Variants in NRXN2 observed in about 807,000 individuals in gnomAD.
The protein encoded by NRXN2 is neurexin 2, also known as neurexin-2-beta.
In NRXN2, 29 loss-of-function variants were observed where a neutral mutation model predicts 128.8. The observed-to-expected ratio is 0.23, with a 90% CI of 0.17 to 0.31. The LOEUF (loss-of-function observed/expected upper bound fraction) is 0.31. Among genes scored for constraint, NRXN2 ranks in the 10% least tolerant of loss-of-function variants. The pLI is 1.00. For synonymous variants in NRXN2, 1,098 were observed against 1,075.2 expected (o/e 1.02, Z -0.41); for missense variants, 1,881 against 2,452.6 (o/e 0.77, Z 4.92).
intron 17 of NRXN2, among the ~76,000 whole-genome samples, chr11:64,644,640 CA>C (rs71579876): frequency 0.023 from 3,440 of 152,132 alleles, 62 homozygotes; most frequent in Non-Finnish European, 0.035. Context: ...CCTGCTCGGA[CA>C]GGGGAGAGGG....
rs2043907844 is a variant in NRXN2 at position 64,631,532 on chromosome 11, C to G, written c.3586-959G>C. Among the ~76,000 whole-genome samples the G allele has an allele frequency of 6.6e-6, 1 of 152,028 alleles. No homozygotes were observed. Among genetic ancestry groups the G allele is most frequent in the East Asian group, 1.9e-4 (1 of 5,190 alleles). ...TGAGTGGGTACTGTACACGCATGCT[C>G]TCTTCCCTACACCAACCCGCTGAAG... is the stretch of plus-strand genomic sequence containing the variant. On this transcript the variant is annotated intron_variant, in intron 18 of 22. Transcript: ENST00000265459. This position sits in a 1 kb window ranked among gnomAD's most constrained non-coding sequence, Gnocchi z 4.8.
At chr11:64,697,058 G>A (rs1459140141) in intron 3 of NRXN2, among the ~76,000 whole-genome samples, 2 of 152,052 alleles carry the variant, frequency 1.3e-5, no homozygotes, top group Admixed American at 6.6e-5. Context: ...AGGGAGAAGA[G>A]GCCAACAAAA....
chr11:64,616,727 A>G (rs1395291787), intron 22 of NRXN2, among the ~76,000 whole-genome samples: 1 of 152,094 alleles, frequency 6.6e-6, no homozygotes, highest in Non-Finnish European at 1.5e-5. Flanking sequence ...AACATTCAGC[A>G]TGGGTGTCAG....
At chr11:64,643,350 AGCGGCCGGGGGAGGGGGGG>A in intron 17 of NRXN2, 2 of 172,890 alleles carry the variant, frequency 1.2e-5, no homozygotes, top group Non-Finnish European at 1.4e-5. Context: ...GAAAGGAGGG[AGCGGCCGGGGGAGGGGGGG>A]GCGGGAGAAG....
At chr11:64,704,613 CACACACACACAGAGAGAGAGAG>C (rs2055963986) in intron 2 of NRXN2, among the ~76,000 whole-genome samples, 1 of 115,974 alleles carries the variant, frequency 8.6e-6, no homozygotes, top group African/African-American at 3.7e-5. Context: ...CACACACACA[CACACACACACAGAGAGAGAGAG>C]AGAGAGAGAG....
At position 64,696,524 on chromosome 11, in the gene NRXN2, T is replaced by TACACACACAC. The variant is rs1255803604; in HGVS notation, c.748+1250_748+1251insGTGTGTGTGT. ...GCAGACATACATACCCACACATACA[T>TACACACACAC]ACATACACACACACACACACACACA... On this transcript the variant is annotated intron_variant, in intron 3 of 22. Transcript: ENST00000265459. Among the ~76,000 whole-genome samples, 5 of 85,208 alleles carry TACACACACAC rather than the reference T, an allele frequency of 5.9e-5. No individual in the cohort carries two copies. In the East Asian group the frequency reaches 1.4e-3, roughly 24 times the overall value. The allele number at this position is 85,208 out of a possible 152,430, so 55.9% of individuals were successfully genotyped here.
intron 22 of NRXN2, among the ~76,000 whole-genome samples, chr11:64,618,829 T>C (rs1565193165): frequency 2.6e-5 from 4 of 152,140 alleles, no homozygotes; most frequent in African/African-American, 9.7e-5. Flanking sequence ...TGAAGGTCCC[T>C]GGGCCCAGGC....
chr11:64,623,321 G>T lies in NRXN2; in HGVS notation c.3848-243C>A, dbSNP rs944822719. The T allele has an allele frequency of 1.3e-5, 8 of 620,824 alleles. No individual in the cohort carries two copies. Among genetic ancestry groups the T allele is most frequent in the South Asian group, 1.0e-4 (5 of 48,302 alleles). 38.5% of individuals were successfully genotyped at this position (620,824 alleles called of 1,614,324 possible). ...AGGGGAGGGCACCCAGGGTACACAT[G>T]GGCTGGGGAAGGGGAGCCCAGTCCC... On this transcript the variant is annotated intron_variant, in intron 20 of 22. Transcript: ENST00000265459. This position sits in a 1 kb window ranked among gnomAD's most constrained non-coding sequence, Gnocchi z 4.9.
rs1484529720 is a variant in NRXN2 at position 64,713,556 on chromosome 11, C to T, written c.144G>A (p.Ala48=). ...GGCTGAAGCTGAGCTCGCCGCTGCTCGCCGCGCCCGCCCAGCGCGCGTAGC... is the reference window on the plus strand; with the variant it reads ...GGCTGAAGCTGAGCTCGCCGCTGCTTGCCGCGCCCGCCCAGCGCGCGTAGC... ...WARYARWAGA[A]SSGELSFSLR... Residue 48 remains alanine (A), a synonymous_variant, in exon 2 of 23, where the codon GCG becomes GCA. Transcript: ENST00000265459. 50 of 1,427,146 alleles carry T rather than the reference C, an allele frequency of 3.5e-5. No individual in the cohort carries two copies. The highest frequency in any genetic ancestry group is 4.1e-5 in the Non-Finnish European group (45 of 1,089,222). 88.4% of individuals were successfully genotyped at this position (1,427,146 alleles called of 1,614,324 possible).
intron 17 of NRXN2, chr11:64,642,812 G>A: frequency 1.8e-6 from 2 of 1,125,626 alleles, no homozygotes; most frequent in Non-Finnish European, 2.2e-6. Context: ...ATTTCGGCCC[G>A]GGGGCGACCG....
rs1161663553 is a variant in NRXN2 at position 64,622,133 on chromosome 11, C to G, written c.4173+620G>C. Among the ~76,000 whole-genome samples, 1 of 152,200 alleles carries G rather than the reference C, an allele frequency of 6.6e-6. No individual in the cohort carries two copies. Among genetic ancestry groups the G allele is most frequent in the East Asian group, 1.9e-4 (1 of 5,198 alleles). ...ACAGACGGAGAGGACACTGAAGCTG[C>G]CTGAGTTGTGGTGCCTGCTCATAGT... On this transcript the variant is annotated intron_variant, in intron 21 of 22. Transcript: ENST00000265459. This position sits in a 1 kb window ranked among gnomAD's most constrained non-coding sequence, Gnocchi z 4.3.
At chr11:64,614,947 G>A (rs1358614475) in intron 22 of NRXN2, among the ~76,000 whole-genome samples, 1 of 152,240 alleles carries the variant, frequency 6.6e-6, no homozygotes, top group Non-Finnish European at 1.5e-5. Flanking sequence ...GGGTGGGTGT[G>A]TCCTGGAGGT....
intron 6 of NRXN2, among the ~76,000 whole-genome samples, chr11:64,680,246 G>C (rs1167567624): frequency 2.6e-5 from 4 of 152,188 alleles, no homozygotes; most frequent in Non-Finnish European, 4.4e-5. Flanking sequence ...AAAGCCAAGA[G>C]AGGGAATATT....
Position 64,714,861 on chromosome 11 carries a change from G to A in NRXN2, c.-244-918C>T, listed in dbSNP as rs893519837. ...TGTCAGAGAGCAATTTATACCCCAC[G>A]CCGGGGAGGGGAATTTGCATCTCGT... On this transcript the variant is annotated intron_variant, in intron 1 of 22. Coordinates refer to ENST00000265459, the MANE Select transcript of NRXN2 (RefSeq NM_015080.4). The surrounding 1 kb of genome is among the most constrained non-coding windows in gnomAD (Gnocchi z 4.5). Among the ~76,000 whole-genome samples, 1 of 152,118 alleles carries A rather than the reference G, an allele frequency of 6.6e-6. No homozygotes were observed. The highest frequency in any genetic ancestry group is 1.9e-4 in the East Asian group (1 of 5,184).
At chr11:64,636,971 C>A (rs2135396037) in intron 17 of NRXN2, among the ~76,000 whole-genome samples, 1 of 152,174 alleles carries the variant, frequency 6.6e-6, no homozygotes, top group Non-Finnish European at 1.5e-5. Context: ...GGGGGAGCCA[C>A]CATCTGCAGG....
At chr11:64,642,852 C>G in intron 17 of NRXN2, 2 of 1,033,904 alleles carry the variant, frequency 1.9e-6, no homozygotes, top group Non-Finnish European at 2.3e-6. Context: ...GGGGCGGGGA[C>G]GCGGGGCTGC....
Position 64,629,551 on chromosome 11 carries a change from G to C in NRXN2, c.3757+851C>G, listed in dbSNP as rs74378513. Among the ~76,000 whole-genome samples the C allele has an allele frequency of 2.6e-5, 4 of 152,120 alleles. No individual in the cohort carries two copies. In the East Asian group the frequency reaches 7.7e-4, roughly 29 times the overall value. On this transcript the variant is annotated intron_variant, in intron 19 of 22. Transcript: ENST00000265459. ...TCTGCCTCCCTCAATATCTTTCAGAGTCTCTGCCTCCTCATTTCTTCCATG... is the reference window on the plus strand; with the variant it reads ...TCTGCCTCCCTCAATATCTTTCAGACTCTCTGCCTCCTCATTTCTTCCATG...
Position 64,608,007 on chromosome 11 carries a change from A to C in NRXN2, c.4328T>G (p.Val1443Gly). The change falls in exon 23 of 23, where the codon GTG becomes GGG. Residue 1443 changes from valine to glycine, a missense_variant. Physicochemically the swap from Val to Gly is moderately radical, Grantham distance 109. Coordinates refer to ENST00000265459, the MANE Select transcript of NRXN2 (RefSeq NM_015080.4). ...PPPVATRSPF[V>G]PPPPTFYPFL... The stretch of plus-strand genomic sequence containing the variant: ...GGGGTAGAAGGTAGGGGGCGGGGGC[A>C]CGAAGGGGGATCGGGTGGCCACGGG... 8.2e-7 allele frequency: 1 copy of C among 1,217,024 alleles called. No individual in the cohort carries two copies. The highest frequency in any genetic ancestry group is 1.1e-6 in the Non-Finnish European group (1 of 887,796). 75.4% of individuals were successfully genotyped at this position (1,217,024 alleles called of 1,614,324 possible).
intron 18 of NRXN2, among the ~76,000 whole-genome samples, chr11:64,633,922 C>T (rs553849853): frequency 3.3e-5 from 5 of 152,296 alleles, no homozygotes; most frequent in African/African-American, 4.8e-5. Context: ...CTTCCTCATC[C>T]GCTGCCACTT....
Sources: allele counts gnomAD v4.1 joint callset (sites outside exome capture counted in the v4.1 genomes callset), GRCh38; gene constraint gnomAD v4.1.1; non-coding constraint Gnocchi (gnomAD v3.1); transcripts MANE v1.5; gene names NCBI Gene and HGNC (gene_info 2026-07-23, HGNC 2026-07-21).